B4GALNT4: variants seen among roughly 807,000 people sequenced by gnomAD.
B4GALNT4 encodes N-acetyl-beta-glucosaminyl-glycoprotein 4-beta-N-acetylgalactosaminyltransferase 1.
Under a neutral mutation model 110.0 loss-of-function variants are expected in B4GALNT4, and 77 were observed. The ratio of observed to expected loss-of-function variants is 0.70; its 90% CI spans 0.58 to 0.85. The LOEUF (loss-of-function observed/expected upper bound fraction) is 0.85, where lower values mean the gene tolerates loss of function less well. B4GALNT4 is among the 40% of genes least tolerant of loss of function. B4GALNT4 has a pLI of 0.00. For missense variants in B4GALNT4, 1,575 were observed against 1,506.0 expected (o/e 1.05, Z -0.76); for synonymous variants, 785 against 655.5 (o/e 1.20, Z -3.02).
Position 377,132 on chromosome 11 carries a change from C to A in B4GALNT4, c.2009C>A (p.Pro670Gln). 1 of 1,511,260 alleles carries A rather than the reference C, an allele frequency of 6.6e-7. No individual in the cohort carries two copies. Among genetic ancestry groups the A allele is most frequent in the Non-Finnish European group, 8.8e-7 (1 of 1,130,868 alleles). 93.6% of individuals were successfully genotyped at this position (1,511,260 alleles called of 1,614,324 possible). The change falls in exon 14 of 20, where the codon CCG (proline) becomes CAG (glutamine). Residue 670 changes from proline to glutamine, a missense_variant. Coordinates refer to ENST00000329962, the MANE Select transcript of B4GALNT4 (RefSeq NM_178537.5). ...GAGGACAGCGAGGAGGCCGCGGGCC[C>A]GGCGCTCGGACGCTGGCGTGAGGAC... ...ASEDSEEAAG[P>Q]ALGRWREDAI... is the part of the protein sequence containing the mutation.
At chr11:375,377 C>T (rs1387263106) in intron 8 of B4GALNT4, 84 bp from the exon 9 acceptor site, 7 of 1,423,102 alleles carry the variant, frequency 4.9e-6, no homozygotes, top group East Asian at 4.5e-5. Flanking sequence ...CTATTAGTCC[C>T]CCGGCCCTGA....
chr11:380,220 G>A lies in B4GALNT4; in HGVS notation c.2715+18G>A, dbSNP rs775475218. ...CGGTAGAGGTCCGAGGGCCCCATGG[G>A]GGTCGGGGAGCAAAACGGGGCGTGC... is the stretch of plus-strand genomic sequence containing the variant. On this transcript the variant is annotated intron_variant, in intron 17 of 19. Transcript: ENST00000329962. The A allele has an allele frequency of 1.9e-6, 3 of 1,605,232 alleles. No homozygotes were observed. The African/African-American group carries it at 4.0e-5, about 21-fold the overall frequency.
chr11:376,041 G>T (rs552008122), intron 11 of B4GALNT4, 33 bp from the exon 12 acceptor site: 1 of 1,603,172 alleles, frequency 6.2e-7, no homozygotes, highest in Non-Finnish European at 8.5e-7. Flanking sequence ...CGGGAGGTCC[G>T]CGCCCTGAGC....
In B4GALNT4 at chr11:373,418, C is replaced by CA. The variant is rs757254464; in HGVS notation, c.637-31_637-30insA. ...CCAGGGAGAGAGTGAACCCCCCCCC[C>CA]CACCACCACCCCTGCTCTATCACCC... On this transcript the variant is annotated intron_variant, in intron 6 of 19. Transcript: ENST00000329962. 2.9e-5 allele frequency: 37 copies of CA among 1,269,702 alleles called. 2 individuals are homozygous for CA. Among genetic ancestry groups the CA allele is most frequent in the Middle Eastern group, 2.1e-4 (1 of 4,756 alleles). 78.7% of individuals were successfully genotyped at this position (1,269,702 alleles called of 1,614,324 possible). A position where few individuals can be genotyped will look rare whatever the true frequency, so the allele number is the denominator to read the frequency against.
intron 8 of B4GALNT4, 35 bp from the exon 9 acceptor site, chr11:375,426 C>T (rs770482773): frequency 1.1e-5 from 17 of 1,609,314 alleles, no homozygotes; most frequent in Non-Finnish European, 1.4e-5. Flanking sequence ...CCAGCCACCG[C>T]CCTGTCCCTG....
Position 376,647 on chromosome 11 carries a change from G to A in B4GALNT4, c.1524G>A (p.Leu508=). ...CCGCCCGCCCTTTGCCGCTCTTCTT[G>A]GGCCGAGCTCCGCCCCCGCGCCCTG... ...ARAARPLPLF[L]GRAPPPRPAV... is the part of the protein sequence containing the mutation. Residue 508 remains leucine (L), a synonymous_variant, in exon 14 of 20, where the codon TTG becomes TTA. Coordinates refer to ENST00000329962, the MANE Select transcript of B4GALNT4 (RefSeq NM_178537.5). 7.0e-7 allele frequency: 1 copy of A among 1,426,086 alleles called. No individual in the cohort carries two copies. The highest frequency in any genetic ancestry group is 9.2e-7 in the Non-Finnish European group (1 of 1,091,756). The allele number at this position is 1,426,086 out of a possible 1,614,324, so 88.3% of individuals were successfully genotyped here.
At position 376,323 on chromosome 11, in the gene B4GALNT4, C is replaced by T. The variant is rs966485552; in HGVS notation, c.1269C>T (p.Arg423=). 1 of 1,609,708 alleles carries T rather than the reference C, an allele frequency of 6.2e-7. No individual in the cohort carries two copies. The highest frequency in any genetic ancestry group is 1.3e-5 in the African/African-American group (1 of 74,830). ...AGGATGAAGAAGACGAGGTGCAGCG[C>T]CGAGCCTTCCTCTTCCTCAACCCGG... ...GDEDEEDEVQ[R]RAFLFLNPDD... The change falls in exon 13 of 20, where the codon CGC becomes CGT. Residue 423 remains arginine, a synonymous_variant. Coordinates refer to ENST00000329962, the MANE Select transcript of B4GALNT4 (RefSeq NM_178537.5).
Position 379,956 on chromosome 11 carries a change from T to C in B4GALNT4, c.2579T>C (p.Leu860Pro). 6.2e-7 allele frequency: 1 copy of C among 1,612,674 alleles called. No homozygotes were observed. Among genetic ancestry groups the C allele is most frequent in the Non-Finnish European group, 8.5e-7 (1 of 1,179,854 alleles). Residue 860 changes from leucine to proline, a missense_variant, in exon 16 of 20, where the codon CTG (leucine) becomes CCG (proline). By Grantham distance (98) the Leu-to-Pro change is moderately conservative. Coordinates refer to ENST00000329962, the MANE Select transcript of B4GALNT4 (RefSeq NM_178537.5). ...RTGDSRFSVV[L>P]VDFESEDMDV... Reference sequence around the variant, plus strand: ...GGGGACTCGCGTTTCAGCGTCGTCCTGGTGGATTTCGAGAGCGAGGATATG... The same window carrying C: ...GGGGACTCGCGTTTCAGCGTCGTCCCGGTGGATTTCGAGAGCGAGGATATG...
Position 376,850 on chromosome 11 carries a change from G to A in B4GALNT4, c.1727G>A (p.Gly576Asp). The A allele has an allele frequency of 7.5e-7, 1 of 1,324,628 alleles. No homozygotes were observed. The highest frequency in any genetic ancestry group is 1.9e-5 in the South Asian group (1 of 52,436). The allele number at this position is 1,324,628 out of a possible 1,614,324, so 82.1% of individuals were successfully genotyped here. Residue 576 changes from glycine to aspartate, a missense_variant, in exon 14 of 20, where the codon GGC becomes GAC. Transcript: ENST00000329962. ...RAPPRPPRPH[G>D]RRTGGPQATQ... ...CCCCCACGCCCACCCCGGCCCCACG[G>A]CCGCAGGACCGGCGGCCCCCAGGCC... is the stretch of plus-strand genomic sequence containing the variant.
At chr11:377,446 C>T (rs1422964611) in intron 14 of B4GALNT4, 119 bp downstream of exon 14, 4 of 1,159,060 alleles carry the variant, frequency 3.5e-6, no homozygotes, top group Non-Finnish European at 3.4e-6. Flanking sequence ...GTGTACCGGC[C>T]TGGGGGCTGA....
At chr11:370,428 G>A (rs2119631300) in intron 1 of B4GALNT4, among the ~76,000 whole-genome samples, 1 of 152,084 alleles carries the variant, frequency 6.6e-6, no homozygotes, top group East Asian at 1.9e-4. Context: ...AGTGGCCGGT[G>A]CAGCTGGGAC....
intron 14 of B4GALNT4, among the ~76,000 whole-genome samples, 167 bp downstream of exon 14, chr11:377,494 T>G (rs1846783783): frequency 6.6e-6 from 1 of 152,084 alleles, no homozygotes; most frequent in Non-Finnish European, 1.5e-5. Context: ...CCAGCTTCTC[T>G]CCTTCCTTCC....
intron 9 of B4GALNT4, 42 bp downstream of exon 9, chr11:375,569 G>A: frequency 6.2e-7 from 1 of 1,605,358 alleles, no homozygotes; most frequent in Non-Finnish European, 8.5e-7. Flanking sequence ...TCCTCGGGAT[G>A]GGCTCTGGGT....
At chr11:378,662 A>G (rs1195786045) in intron 14 of B4GALNT4, among the ~76,000 whole-genome samples, 1 of 152,182 alleles carries the variant, frequency 6.6e-6, no homozygotes, top group Non-Finnish European at 1.5e-5. Context: ...ACCATCGTCT[A>G]GGGCAGGGTC....
Position 380,373 on chromosome 11 carries a change from G to T in B4GALNT4, c.2797G>T (p.Val933Leu). Residue 933 changes from valine (V) to leucine (L), a missense_variant, in exon 18 of 20, where the codon GTG (valine) becomes TTG (leucine). Physicochemically the swap from Val to Leu is conservative, Grantham distance 32 (BLOSUM62 1). Transcript: ENST00000329962. ...NILDGIRKHCVEGRLAFAPVV... is the reference protein window; with the variant it reads ...NILDGIRKHCLEGRLAFAPVV... ...CCTGGACGGCATCCGCAAGCACTGC[G>T]TGGAGGGCAGGCTGGCCTTCGCGCC... 1 of 1,613,280 alleles carries T rather than the reference G, an allele frequency of 6.2e-7. No individual in the cohort carries two copies. The highest frequency in any genetic ancestry group is 8.5e-7 in the Non-Finnish European group (1 of 1,179,760).
intron 7 of B4GALNT4, 35 bp from the exon 8 acceptor site, chr11:373,715 G>T: frequency 6.2e-7 from 1 of 1,607,700 alleles, no homozygotes; most frequent in Non-Finnish European, 8.5e-7. Flanking sequence ...TGAGCGTCCT[G>T]TGCATGGCAC....
In B4GALNT4 at chr11:369,627, G is replaced by T. The variant is rs1846572791; in HGVS notation, c.-177G>T. On this transcript the variant is annotated 5_prime_UTR_variant, in exon 1 of 20. Coordinates refer to ENST00000329962, the MANE Select transcript of B4GALNT4 (RefSeq NM_178537.5). ...CGCCCACCCCGGGCCCGCGGCCGAG[G>T]GCGGCCTGGGGGGGTCGCGGCCGCA... is the stretch of plus-strand genomic sequence containing the variant. 1.4e-5 allele frequency among the ~76,000 whole-genome samples: 2 copies of T among 144,420 alleles called. No individual in the cohort carries two copies. Among genetic ancestry groups the T allele is most frequent in the African/African-American group, 5.0e-5 (2 of 40,256 alleles). The allele number at this position is 144,420 out of a possible 152,430, so 94.7% of individuals were successfully genotyped here.
chr11:370,379 T>C (rs940281406), intron 1 of B4GALNT4, among the ~76,000 whole-genome samples: 1 of 152,042 alleles, frequency 6.6e-6, no homozygotes, highest in African/African-American at 2.4e-5. Flanking sequence ...AGGGCCTCAG[T>C]TTCCCTGTGT....
In B4GALNT4 at chr11:369,640, G is replaced by T. The variant is rs1156734742; in HGVS notation, c.-164G>T. 6.9e-6 allele frequency among the ~76,000 whole-genome samples: 1 copy of T among 144,448 alleles called. No homozygotes were observed. Among genetic ancestry groups the T allele is most frequent in the Admixed American group, 6.8e-5 (1 of 14,626 alleles). The allele number at this position is 144,448 out of a possible 152,430, so 94.8% of individuals were successfully genotyped here. On this transcript the variant is annotated 5_prime_UTR_variant, in exon 1 of 20. Transcript: ENST00000329962. ...CCCGCGGCCGAGGGCGGCCTGGGGGGGTCGCGGCCGCACCCGGTGGCCGCG... is the reference window on the plus strand; with the variant it reads ...CCCGCGGCCGAGGGCGGCCTGGGGGTGTCGCGGCCGCACCCGGTGGCCGCG...
Sources: allele counts gnomAD v4.1 joint callset (sites outside exome capture counted in the v4.1 genomes callset), GRCh38; gene constraint gnomAD v4.1.1; transcripts MANE v1.5; gene names NCBI Gene and HGNC (gene_info 2026-07-23, HGNC 2026-07-21).